Variants in PHKB observed in about 807,000 individuals in gnomAD.
PHKB encodes the protein phosphorylase b kinase regulatory subunit beta.
PHKB carries 122 observed loss-of-function variants against 152.1 expected under a neutral mutation model. The observed-to-expected ratio is 0.80, with a 90% CI of 0.69 to 0.93. The LOEUF (loss-of-function observed/expected upper bound fraction) is 0.93, where lower values mean the gene tolerates loss of function less well. PHKB is among the 40% of genes least tolerant of loss of function. The pLI, the probability that PHKB is intolerant of heterozygous loss-of-function variation, is 0.00. For synonymous variants in PHKB, 436 were observed against 464.9 expected (o/e 0.94, Z 0.80); for missense variants, 1,304 against 1,328.4 (o/e 0.98, Z 0.29).
At chr16:47,677,973 T>C (rs1973766929) in intron 26 of PHKB, among the ~76,000 whole-genome samples, 1 of 140,090 alleles carries the variant, frequency 7.1e-6, no homozygotes, top group Non-Finnish European at 1.5e-5. Flanking sequence ...CCTGTGTCCA[T>C]GTGTTCTCAT....
intron 6 of PHKB, among the ~76,000 whole-genome samples, chr16:47,530,747 G>A (rs1238222110): frequency 1.3e-5 from 2 of 151,926 alleles, no homozygotes; most frequent in South Asian, 2.1e-4. Context: ...AAAGTACCTG[G>A]GAAAGAACCT....
At chr16:47,625,983 C>T (rs1972702386) in intron 14 of PHKB, among the ~76,000 whole-genome samples, 1 of 152,172 alleles carries the variant, frequency 6.6e-6, no homozygotes, top group Non-Finnish European at 1.5e-5. Context: ...GTTGTCTTCT[C>T]TCTTATATGG....
intron 7 of PHKB, chr16:47,547,788 A>AT: frequency 2.1e-6 from 1 of 472,394 alleles, no homozygotes. Context: ...GTGTCAGTAC[A>AT]TGCATGTCAG....
At chr16:47,480,324 T>C (rs1451557074) in intron 1 of PHKB, among the ~76,000 whole-genome samples, 2 of 152,204 alleles carry the variant, frequency 1.3e-5, no homozygotes, top group Non-Finnish European at 2.9e-5. Context: ...TTAAAGGTCT[T>C]TGTGGAGGCT....
chr16:47,636,456 C>T (rs1597140414), intron 14 of PHKB, among the ~76,000 whole-genome samples: 2 of 152,142 alleles, frequency 1.3e-5, no homozygotes, highest in South Asian at 2.1e-4. Context: ...GCTGCCCAGC[C>T]GCAGCTCCAG....
intron 1 of PHKB, among the ~76,000 whole-genome samples, chr16:47,486,808 C>A (rs1970057414): frequency 6.6e-6 from 1 of 152,184 alleles, no homozygotes; most frequent in Non-Finnish European, 1.5e-5. Flanking sequence ...GGATTATTCA[C>A]TGCTTCTTTG....
intron 13 of PHKB, among the ~76,000 whole-genome samples, chr16:47,604,094 T>C (rs1184624372): frequency 1.3e-5 from 2 of 152,214 alleles, no homozygotes; most frequent in Admixed American, 1.3e-4. Flanking sequence ...AAATTGAGTC[T>C]TGTTTTCATT....
intron 8 of PHKB, among the ~76,000 whole-genome samples, chr16:47,583,735 A>G (rs1971888490): frequency 6.6e-6 from 1 of 152,218 alleles, no homozygotes; most frequent in East Asian, 1.9e-4. Flanking sequence ...TAATGAATCT[A>G]TTAATAGAAG....
chr16:47,686,256 A>C (rs1017839603), intron 26 of PHKB, among the ~76,000 whole-genome samples: 1 of 152,236 alleles, frequency 6.6e-6, no homozygotes, highest in Non-Finnish European at 1.5e-5. Context: ...GTGATAAACT[A>C]TGTTTAGTTT....
chr16:47,656,694 A>G (rs1025320298), intron 20 of PHKB, among the ~76,000 whole-genome samples: 1 of 151,114 alleles, frequency 6.6e-6, no homozygotes, highest in African/African-American at 2.4e-5. Flanking sequence ...TTCCCCCCAC[A>G]CTCCAGCCTC....
chr16:47,618,211 T>G (rs2151713323), intron 14 of PHKB, among the ~76,000 whole-genome samples: 1 of 152,394 alleles, frequency 6.6e-6, no homozygotes, highest in African/African-American at 2.4e-5. Flanking sequence ...ATTTGCCATC[T>G]TTTACACTAG....
At chr16:47,636,411 G>A (rs994166993) in intron 14 of PHKB, among the ~76,000 whole-genome samples, 1 of 152,192 alleles carries the variant, frequency 6.6e-6, no homozygotes, top group Non-Finnish European at 1.5e-5. Flanking sequence ...CTGAGTTGGT[G>A]GGGCAGGGGC....
chr16:47,656,563 A>G (rs541221719), intron 20 of PHKB, among the ~76,000 whole-genome samples: 23 of 152,346 alleles, frequency 1.5e-4, no homozygotes, highest in African/African-American at 4.8e-4. Flanking sequence ...TGCCATGTTA[A>G]TCATTTTTAA....
chr16:47,542,096 C>T (rs1971070720), intron 6 of PHKB, among the ~76,000 whole-genome samples: 1 of 152,112 alleles, frequency 6.6e-6, no homozygotes, highest in Admixed American at 6.5e-5. Context: ...AATGGTATTG[C>T]CTAGGTTTTC....
At chr16:47,492,680 G>A (rs1009307339) in intron 1 of PHKB, among the ~76,000 whole-genome samples, 7 of 152,162 alleles carry the variant, frequency 4.6e-5, no homozygotes, top group African/African-American at 1.4e-4. Flanking sequence ...TCACAAAAAA[G>A]AAAGGAAAAT....
chr16:47,544,213 C>T lies in PHKB; in HGVS notation c.595-3220C>T, dbSNP rs191255551. The stretch of plus-strand genomic sequence containing the variant: ...GATTTTGGATCTTTCCCAGTTTCTC[C>T]GATAGGCATTTAGTGCTATAAATTT... On this transcript the variant is annotated intron_variant, in intron 6 of 30. Coordinates refer to ENST00000323584, the MANE Select transcript of PHKB (RefSeq NM_000293.3). Among the ~76,000 whole-genome samples, 25 of 152,142 alleles carry T rather than the reference C, an allele frequency of 1.6e-4. 1 individual carries two copies. The highest frequency in any genetic ancestry group is 4.6e-4 in the Admixed American group (7 of 15,254).
chr16:47,663,327 G>A (rs1297305927), intron 23 of PHKB, among the ~76,000 whole-genome samples: 1 of 152,044 alleles, frequency 6.6e-6, no homozygotes, highest in African/African-American at 2.4e-5. Context: ...TACAGTATTT[G>A]TTCAATTGCT....
chr16:47,616,451 G>A (rs1972515014), intron 14 of PHKB, among the ~76,000 whole-genome samples: 2 of 138,934 alleles, frequency 1.4e-5, no homozygotes, highest in South Asian at 4.3e-4. Context: ...TTTAAATAAA[G>A]TAAAATATAT....
intron 13 of PHKB, among the ~76,000 whole-genome samples, chr16:47,605,922 C>T (rs567245794): frequency 1.3e-5 from 2 of 152,264 alleles, no homozygotes; most frequent in South Asian, 4.1e-4. Context: ...CTGACTGTGT[C>T]TCAGCTTTGC....
Sources: allele counts gnomAD v4.1 joint callset (sites outside exome capture counted in the v4.1 genomes callset), GRCh38; gene constraint gnomAD v4.1.1; transcripts MANE v1.5; gene names NCBI Gene and HGNC (gene_info 2026-07-23, HGNC 2026-07-21).